MORC4: variants seen among roughly 807,000 people sequenced by gnomAD.
MORC4 encodes the protein MORC family CW-type zinc finger protein 4.
MORC4 carries 22 observed loss-of-function variants against 65.5 expected under a neutral mutation model. The ratio of observed to expected loss-of-function variants is 0.34; its 90% CI spans 0.24 to 0.48. The LOEUF is 0.48. Ranked by LOEUF, MORC4 falls within the 20% of genes least tolerant of loss-of-function variation. MORC4 has a pLI of 0.99. For missense variants in MORC4, 624 were observed against 703.0 expected, an observed-to-expected ratio of 0.89 and a Z score of 1.27; for synonymous variants, 267 against 255.8, an observed-to-expected ratio of 1.04 and a Z score of -0.42.
intron 9 of MORC4, among the ~76,000 whole-genome samples, chrX:106,968,745 A>C (rs188322890): frequency 9.1e-6 from 1 of 110,449 alleles, no homozygotes; most frequent in South Asian, 4.0e-4. Context: ...AGGCCATTAC[A>C]TAATGGTAAA....
intron 14 of MORC4, among the ~76,000 whole-genome samples, chrX:106,951,573 T>C (rs746530245): frequency 1.8e-5 from 2 of 111,088 alleles, no homozygotes; most frequent in South Asian, 7.7e-4. Context: ...TCTCACTGTG[T>C]TGCCCAGGCT....
chrX:106,993,172 A>G, intron 3 of MORC4, 58 bp downstream of exon 3: 1 of 1,085,441 alleles, frequency 9.2e-7, no homozygotes, highest in Non-Finnish European at 1.2e-6. Context: ...AAAATTATGA[A>G]GCCTTAAATA....
intron 9 of MORC4, among the ~76,000 whole-genome samples, chrX:106,973,881 C>T (rs1934572172): frequency 2.7e-5 from 3 of 111,784 alleles, no homozygotes; most frequent in Non-Finnish European, 3.8e-5. Flanking sequence ...CCTGCCAACA[C>T]CTCGATTATA....
At position 106,962,030 on chromosome X, in the gene MORC4, G is replaced by A; in HGVS notation, c.1238C>T (p.Thr413Ile). 12 of 1,205,003 alleles carry A rather than the reference G, an allele frequency of 1.0e-5. No individual in the cohort carries two copies. The highest frequency in any genetic ancestry group is 1.3e-5 in the Non-Finnish European group (12 of 889,493). ...TACTTACGGTATTGGCCTGGCTACA[G>A]TTGAGGTCTCAAAATTATCTTGAGA... ...KTSQDNFETS[T>I]VARPIPKVPD... The change falls in exon 10 of 17, where the codon ACT becomes ATT. Residue 413 changes from threonine (T) to isoleucine (I), a missense_variant. By Grantham distance (89) the Thr-to-Ile change is moderately conservative. Coordinates refer to ENST00000355610, the MANE Select transcript of MORC4 (RefSeq NM_024657.5).
intron 7 of MORC4, 122 bp from the exon 8 acceptor site, chrX:106,978,321 G>A: frequency 1.6e-6 from 1 of 612,757 alleles, no homozygotes; most frequent in Non-Finnish European, 2.4e-6. Context: ...CTTTTTGCGG[G>A]CATTTAAACA....
At chrX:106,968,760 T>A (rs1231916302) in intron 9 of MORC4, among the ~76,000 whole-genome samples, 2 of 107,003 alleles carry the variant, frequency 1.9e-5, no homozygotes, top group African/African-American at 6.9e-5. Context: ...GGTAAAGGGA[T>A]CAATTCAACA....
Position 106,980,774 on chromosome X carries a change from C to A in MORC4, c.936+117G>T, listed in dbSNP as rs1428365107. 4.7e-6 allele frequency: 3 copies of A among 640,621 alleles called. No individual in the cohort carries two copies. The East Asian group carries it at 1.0e-4, about 22-fold the overall frequency. 52.8% of individuals were successfully genotyped at this position (640,621 alleles called of 1,213,427 possible). On this transcript the variant is annotated intron_variant, in intron 7 of 16. Coordinates refer to ENST00000355610, the MANE Select transcript of MORC4 (RefSeq NM_024657.5). ...AGAGTACACTGTAATAGAATGTGTA[C>A]TATGACATACACTTTTTAATTTGAA... is the stretch of plus-strand genomic sequence containing the variant.
At chrX:106,995,167 T>G (rs1246758526) in intron 2 of MORC4, among the ~76,000 whole-genome samples, 1 of 110,634 alleles carries the variant, frequency 9.0e-6, no homozygotes, top group Admixed American at 9.6e-5. Flanking sequence ...TCCCAGCCTT[T>G]AGTAACTACT....
chrX:106,944,739 C>G (rs1446051279), intron 14 of MORC4, among the ~76,000 whole-genome samples: 1 of 111,573 alleles, frequency 9.0e-6, no homozygotes, highest in East Asian at 2.8e-4. Context: ...ACCTTCAAAC[C>G]TGCTCCTTTT....
In MORC4 at chrX:106,956,536, TAGG is replaced by T. The variant is rs1934110423; in HGVS notation, c.1455-5_1455-3del. ...TTCTTCTCCTCAACAGTTTGTTCTCTAGGAGAAGATAAAAGTGCTATTTAGTTC... is the reference window on the plus strand; with the variant it reads ...TTCTTCTCCTCAACAGTTTGTTCTCTAGAAGATAAAAGTGCTATTTAGTTC... On this transcript the variant is annotated splice_region_variant and splice_polypyrimidine_tract_variant and intron_variant, in intron 12 of 16. Coordinates refer to ENST00000355610, the MANE Select transcript of MORC4 (RefSeq NM_024657.5). 8.4e-7 allele frequency: 1 copy of T among 1,195,266 alleles called. No homozygotes were observed.
chrX:106,963,888 ACAAC>A (rs1569300525), intron 9 of MORC4, among the ~76,000 whole-genome samples: 2 of 104,737 alleles, frequency 1.9e-5, no homozygotes, highest in Non-Finnish European at 2.0e-5. Context: ...AACAACAACA[ACAAC>A]AAAAAAAAAC....
chrX:106,959,193 C>G (rs1164020413), intron 10 of MORC4, among the ~76,000 whole-genome samples: 2 of 111,828 alleles, frequency 1.8e-5, no homozygotes, highest in Non-Finnish European at 3.8e-5. Flanking sequence ...GAGTTCAACT[C>G]TTAAAATGCA....
chrX:106,963,870 A>G (rs1934310702), intron 9 of MORC4, among the ~76,000 whole-genome samples: 1 of 109,488 alleles, frequency 9.1e-6, no homozygotes, highest in South Asian at 4.0e-4. Flanking sequence ...AGCCTACAAC[A>G]TAACAAAAAC....
At chrX:106,948,488 T>C (rs1021115783) in intron 14 of MORC4, among the ~76,000 whole-genome samples, 6 of 112,197 alleles carry the variant, frequency 5.3e-5, no homozygotes, top group African/African-American at 1.9e-4. Flanking sequence ...TTCTATTGTT[T>C]TGTGCTCTTT....
At position 106,980,954 on chromosome X, in the gene MORC4, A is replaced by G. The variant is rs964091485; in HGVS notation, c.873T>C (p.Thr291=). ...CCAGGCTCTTGGCAATCATCTGGGT[A>G]GTCACCTTCTTTTGACGCAGAAAAA... is the stretch of plus-strand genomic sequence containing the variant. ...MKIFLRQKKV[T]TQMIAKSLAN... Residue 291 remains threonine, a synonymous_variant, in exon 7 of 17, where the codon ACT becomes ACC. Transcript: ENST00000355610. 4 of 1,205,645 alleles carry G rather than the reference A, an allele frequency of 3.3e-6. No individual in the cohort carries two copies. The highest frequency in any genetic ancestry group is 4.5e-6 in the Non-Finnish European group (4 of 891,323).
rs1489830275 is a variant in MORC4 at position 106,941,928 on chromosome X, A to G, written c.2660+10T>C. 16 of 1,198,949 alleles carry G rather than the reference A, an allele frequency of 1.3e-5. No individual in the cohort carries two copies. Among genetic ancestry groups the G allele is most frequent in the Non-Finnish European group, 1.8e-5 (16 of 889,390 alleles). On this transcript the variant is annotated intron_variant, in intron 16 of 16. Transcript: ENST00000355610. ...ACTCACAAGCTGATAACTAAACCCT[A>G]GTAATTAACCTTTCTAGGTCATCTC...
chrX:106,956,904 T>C, intron 12 of MORC4, 32 bp downstream of exon 12: 3 of 1,070,585 alleles, frequency 2.8e-6, no homozygotes, highest in South Asian at 2.0e-5. Flanking sequence ...CTCTACCCTA[T>C]GGTAGAGAAC....
chrX:106,970,380 G>A (rs1934480949), intron 9 of MORC4, among the ~76,000 whole-genome samples: 1 of 111,919 alleles, frequency 8.9e-6, no homozygotes, highest in Non-Finnish European at 1.9e-5. Flanking sequence ...ATACCGAATG[G>A]GCAAAAACTG....
intron 10 of MORC4, among the ~76,000 whole-genome samples, chrX:106,960,682 C>T (rs1934216925): frequency 8.9e-6 from 1 of 111,906 alleles, no homozygotes; most frequent in Non-Finnish European, 1.9e-5. Context: ...CTGCCTCCAG[C>T]ACACACACTC....
Sources: allele counts gnomAD v4.1 joint callset (sites outside exome capture counted in the v4.1 genomes callset), GRCh38; gene constraint gnomAD v4.1.1; transcripts MANE v1.5; gene names NCBI Gene and HGNC (gene_info 2026-07-23, HGNC 2026-07-21).